The following KLC1 variants were observed in gnomAD, a reference collection of about 807,000 sequenced individuals.
KLC1 encodes kinesin 2 60/70kDa.
KLC1 carries 30 observed loss-of-function variants against 84.2 expected under a neutral mutation model. The observed-to-expected ratio is 0.36, with a 90% confidence interval of 0.27 to 0.48. KLC1 has a LOEUF of 0.48. KLC1 is among the 20% of genes least tolerant of loss of function. KLC1 has a pLI of 0.99. For missense variants in KLC1, 499 were observed against 805.4 expected (o/e 0.62, Z 4.60); for synonymous variants, 289 against 293.3 (o/e 0.99, Z 0.15).
rs370916563 is a variant in KLC1, at chr14:103,673,027, A to G, written c.1001A>G (p.Asp334Gly). 6.2e-7 allele frequency: 1 copy of G among 1,613,938 alleles called. No individual in the cohort carries two copies. Residue 334 changes from aspartate (D) to glycine (G), a missense_variant, in exon 8 of 17, where the codon GAT (aspartate) becomes GGT (glycine). Asp to Gly is a moderately conservative substitution (Grantham distance 94). Around this residue, in one of 3 missense-constraint regions of KLC1, gnomAD observed 153 missense variants for 332.4 expected, o/e 0.46. Transcript: ENST00000334553. Reference sequence around the variant, plus strand: ...TTTTATTTTCAGGTTTTGGGGAAGGATCACCCCGATGTTGCCAAGCAGTTA... The same window carrying G: ...TTTTATTTTCAGGTTTTGGGGAAGGGTCACCCCGATGTTGCCAAGCAGTTA... The part of the protein sequence containing the change: ...LEIREKVLGK[D>G]HPDVAKQLNN...
chr14:103,654,620 T>A lies in KLC1; in HGVS notation c.56T>A (p.Leu19His), dbSNP rs777448814. 4.3e-6 allele frequency: 7 copies of A among 1,613,964 alleles called. No individual in the cohort carries two copies. The highest frequency in any genetic ancestry group is 5.9e-6 in the Non-Finnish European group (7 of 1,179,934). The change falls in exon 2 of 17, where the codon CTT (leucine) becomes CAT (histidine). Residue 19 changes from leucine to histidine, a missense_variant. This residue lies in a region of KLC1 where 179 missense variants were observed against 264.2 expected (regional missense o/e 0.68). Transcript: ENST00000334553. ...ATAAAGGAAGACAAGTTGGAGAAGC[T>A]TACACAGGATGAAATTATTTCTAAG... ...VYIKEDKLEK[L>H]TQDEIISKTK...
intron 15 of KLC1, chr14:103,696,165 G>T: frequency 1.0e-6 from 1 of 979,532 alleles, no homozygotes; most frequent in Non-Finnish European, 1.2e-6. Flanking sequence ...GCATGGGAGC[G>T]TCTGGATCTG....
chr14:103,699,588 G>C, intron 15 of KLC1: 1 of 1,612,680 alleles, frequency 6.2e-7, no homozygotes, highest in African/African-American at 1.3e-5. Flanking sequence ...TGTGGGGACA[G>C]CTGTCATTGT....
At chr14:103,644,341 C>T (rs1012355969) in intron 1 of KLC1, among the ~76,000 whole-genome samples, 9 of 150,764 alleles carry the variant, frequency 6.0e-5, no homozygotes, top group African/African-American at 2.2e-4. Context: ...CTCACTGCAA[C>T]CTCCGCCTCC....
At chr14:103,643,755 C>T (rs534795015) in intron 1 of KLC1, among the ~76,000 whole-genome samples, 1 of 151,510 alleles carries the variant, frequency 6.6e-6, no homozygotes, top group East Asian at 1.9e-4. Flanking sequence ...TGGTGAAACT[C>T]CGTCTCTACT....
At chr14:103,644,943 A>T (rs531347534) in intron 1 of KLC1, among the ~76,000 whole-genome samples, 7 of 149,984 alleles carry the variant, frequency 4.7e-5, no homozygotes, top group Non-Finnish European at 1.0e-4. Context: ...TTTCTGTTCT[A>T]TTCTGTTCTT....
intron 1 of KLC1, among the ~76,000 whole-genome samples, chr14:103,638,504 T>A (rs1595239763): frequency 6.6e-6 from 1 of 151,692 alleles, no homozygotes; most frequent in East Asian, 1.9e-4. Context: ...TCCTTTTCCC[T>A]TTTTAGTGCT....
chr14:103,647,957 T>G (rs946195370), intron 1 of KLC1, among the ~76,000 whole-genome samples: 27 of 152,006 alleles, frequency 1.8e-4, no homozygotes, highest in Non-Finnish European at 3.4e-4. Flanking sequence ...TGTATTGGGT[T>G]TTTTTTTCTT....
chr14:103,640,211 C>T (rs991226865), intron 1 of KLC1, among the ~76,000 whole-genome samples: 1 of 152,090 alleles, frequency 6.6e-6, no homozygotes. Context: ...CAGGTGTGCA[C>T]CACTATGCCT....
chr14:103,643,191 C>T (rs2077624709), intron 1 of KLC1, among the ~76,000 whole-genome samples: 1 of 152,210 alleles, frequency 6.6e-6, no homozygotes, highest in Non-Finnish European at 1.5e-5. Context: ...AAAGAATAGA[C>T]TGATCTCCCT....
At chr14:103,699,097 T>C in intron 15 of KLC1, 1 of 1,566,378 alleles carries the variant, frequency 6.4e-7, no homozygotes, top group Non-Finnish European at 8.7e-7. Context: ...CCCTGGCACC[T>C]GCACAGAGGT....
intron 13 of KLC1, chr14:103,685,811 G>A: frequency 8.3e-7 from 1 of 1,205,270 alleles, no homozygotes; most frequent in South Asian, 1.5e-5. Context: ...TTTTTGGGGG[G>A]GTTCCTGATT....
intron 3 of KLC1, among the ~76,000 whole-genome samples, chr14:103,659,586 A>G (rs931493742): frequency 6.6e-6 from 1 of 152,170 alleles, no homozygotes; most frequent in Non-Finnish European, 1.5e-5. Context: ...AGTGTTCCAC[A>G]TTGCATTTGG....
chr14:103,694,219 G>T lies in KLC1; in HGVS notation c.1848+1794G>T, dbSNP rs1306740167. 3.0e-6 allele frequency: 3 copies of T among 983,716 alleles called. No homozygotes were observed. The highest frequency in any genetic ancestry group is 3.6e-6 in the Non-Finnish European group (3 of 829,702). 60.9% of individuals were successfully genotyped at this position (983,716 alleles called of 1,614,324 possible). ...GAGCTGTGTTCTCCCGGACGCCCCT[G>T]CACACGAAGCCCATAGAGACGTGTG... On this transcript the variant is annotated intron_variant, in intron 15 of 16. Coordinates refer to ENST00000334553, the MANE Select transcript of KLC1 (RefSeq NM_001394837.1). This position sits in a 1 kb window ranked among gnomAD's most constrained non-coding sequence, Gnocchi z 4.5.
intron 15 of KLC1, chr14:103,696,619 A>G: frequency 1.0e-6 from 1 of 985,496 alleles, no homozygotes; most frequent in Non-Finnish European, 1.2e-6. Flanking sequence ...ACCAGCTCTG[A>G]CCGTGTCTTG....
chr14:103,676,517 C>T (rs960615611), intron 11 of KLC1, among the ~76,000 whole-genome samples: 12 of 152,128 alleles, frequency 7.9e-5, no homozygotes, highest in African/African-American at 2.7e-4. Flanking sequence ...CCACCCGCCT[C>T]GGCCTCCCAA....
At position 103,676,650 on chromosome 14, in the gene KLC1, A is replaced by G. The variant is rs554609911; in HGVS notation, c.1380-765A>G. On this transcript the variant is annotated intron_variant, in intron 11 of 16. Coordinates refer to ENST00000334553, the MANE Select transcript of KLC1 (RefSeq NM_001394837.1). ...TCTCTGAACTCTCTCTAGGGCTCCC[A>G]TAGCACTTACCATAGATTACTTGTT... Among the ~76,000 whole-genome samples, 14 of 152,326 alleles carry G rather than the reference A, an allele frequency of 9.2e-5. No individual in the cohort carries two copies. In the South Asian group the frequency reaches 2.1e-3, roughly 23 times the overall value.
At chr14:103,656,035 A>G (rs538544158) in intron 2 of KLC1, among the ~76,000 whole-genome samples, 1 of 152,330 alleles carries the variant, frequency 6.6e-6, no homozygotes, top group Non-Finnish European at 1.5e-5. Flanking sequence ...TCAGGTTCCT[A>G]ACATCTGCCA....
At position 103,659,038 on chromosome 14, in the gene KLC1, C is replaced by T. The variant is rs554541507; in HGVS notation, c.492+1262C>T. On this transcript the variant is annotated intron_variant, in intron 3 of 16. Transcript: ENST00000334553. ...TGTACCCCAGGCTGGAGTGCAATGGCGCGATCTTGGCTCACTGCAGCCTCC... is the reference window on the plus strand; with the variant it reads ...TGTACCCCAGGCTGGAGTGCAATGGTGCGATCTTGGCTCACTGCAGCCTCC... Among the ~76,000 whole-genome samples, 7 of 151,606 alleles carry T rather than the reference C, an allele frequency of 4.6e-5. No homozygotes were observed. In the East Asian group the frequency reaches 5.8e-4, roughly 13 times the overall value.
Sources: allele counts gnomAD v4.1 joint callset (sites outside exome capture counted in the v4.1 genomes callset), GRCh38; gene constraint gnomAD v4.1.1; regional missense constraint gnomAD v4.1.1; non-coding constraint Gnocchi (gnomAD v3.1); transcripts MANE v1.5; gene names NCBI Gene and HGNC (gene_info 2026-07-23, HGNC 2026-07-21).